Variants in CDH13 observed in about 807,000 individuals in gnomAD.
CDH13 encodes the protein cadherin-13.
Under a neutral mutation model 63.8 loss-of-function variants are expected in CDH13, and 24 were observed. That is an observed-to-expected ratio of 0.38 (90% CI 0.27 to 0.53). The LOEUF (loss-of-function observed/expected upper bound fraction) is 0.53. CDH13 is among the 20% of genes least tolerant of loss of function. The probability of loss-of-function intolerance (pLI) is 0.85; values close to 1 mark genes in which losing one functional copy is unlikely to be tolerated. For missense variants in CDH13, 1,049 were observed against 903.1 expected (o/e 1.16, Z -2.07); for synonymous variants, 503 against 355.3 (o/e 1.42, Z -4.67).
chr16:83,426,875 C>A (rs1473076254), intron 6 of CDH13, among the ~76,000 whole-genome samples: 1 of 142,628 alleles, frequency 7.0e-6, no homozygotes, highest in Non-Finnish European at 1.5e-5. Flanking sequence ...TGACTTTGTC[C>A]TAATTCTCAG....
At chr16:83,532,272 A>G (rs557164601) in intron 7 of CDH13, among the ~76,000 whole-genome samples, 11 of 152,296 alleles carry the variant, frequency 7.2e-5, no homozygotes, top group African/African-American at 2.4e-4. Flanking sequence ...ACAAGCTCAT[A>G]CAGTGTAGAA....
intron 7 of CDH13, among the ~76,000 whole-genome samples, chr16:83,532,619 C>A (rs940459462): frequency 1.3e-5 from 2 of 152,228 alleles, no homozygotes; most frequent in Admixed American, 1.3e-4. Context: ...CCTCAAGTAG[C>A]CTATCAGCTC....
At chr16:83,431,369 T>G (rs889262312) in intron 6 of CDH13, among the ~76,000 whole-genome samples, 1 of 151,848 alleles carries the variant, frequency 6.6e-6, no homozygotes, top group African/African-American at 2.4e-5. Context: ...TGGTCCTATC[T>G]CCTTATCATT....
chr16:82,865,821 A>G lies in CDH13; in HGVS notation c.157+7348A>G, dbSNP rs376926589. 7.9e-5 allele frequency among the ~76,000 whole-genome samples: 12 copies of G among 152,092 alleles called. No homozygotes were observed. In the East Asian group the frequency reaches 1.7e-3, roughly 22 times the overall value. On this transcript the variant is annotated intron_variant, in intron 2 of 13. Transcript: ENST00000567109. ...CCCAGAAAATGTTTTTTTCTTTTCT[A>G]TTTCATCTTCAGGCTGCAAATTTTC...
chr16:83,049,685 T>C (rs2030072007), intron 3 of CDH13, among the ~76,000 whole-genome samples: 1 of 152,178 alleles, frequency 6.6e-6, no homozygotes, highest in South Asian at 2.1e-4. Flanking sequence ...GTATCACTAC[T>C]TCATTCCTTT....
chr16:82,995,739 C>G (rs961583139), intron 2 of CDH13, among the ~76,000 whole-genome samples: 18 of 152,154 alleles, frequency 1.2e-4, no homozygotes, highest in Non-Finnish European at 1.0e-4. Context: ...AGCAGGAAGC[C>G]ACTGCATTCC....
chr16:83,676,561 A>G (rs1446212103), intron 9 of CDH13, among the ~76,000 whole-genome samples: 1 of 152,240 alleles, frequency 6.6e-6, no homozygotes, highest in Admixed American at 6.5e-5. Flanking sequence ...ATTAGGATCC[A>G]TAGAAAGAAG....
intron 10 of CDH13, among the ~76,000 whole-genome samples, chr16:83,698,309 C>T (rs1905693402): frequency 6.6e-6 from 1 of 152,298 alleles, no homozygotes; most frequent in East Asian, 1.9e-4. Flanking sequence ...TAAATATCTT[C>T]ACTTAATTAT....
At chr16:83,467,045 C>A (rs1466239682) in intron 6 of CDH13, among the ~76,000 whole-genome samples, 1 of 152,140 alleles carries the variant, frequency 6.6e-6, no homozygotes, top group African/African-American at 2.4e-5. Flanking sequence ...CAGCCACAAT[C>A]CAAGGGCCAG....
At chr16:82,752,888 C>G (rs190635619) in intron 1 of CDH13, among the ~76,000 whole-genome samples, 8 of 152,270 alleles carry the variant, frequency 5.3e-5, no homozygotes, top group Admixed American at 5.2e-4. Context: ...CATTATTGTA[C>G]CCCATTATGT....
chr16:83,214,703 T>A (rs1321205572), intron 4 of CDH13, among the ~76,000 whole-genome samples: 1 of 152,124 alleles, frequency 6.6e-6, no homozygotes, highest in African/African-American at 2.4e-5. Flanking sequence ...AATTATTAGC[T>A]TTGATTAACT....
intron 1 of CDH13, among the ~76,000 whole-genome samples, chr16:82,715,956 C>G (rs76717805): frequency 0.044 from 6,745 of 152,304 alleles, 230 homozygotes; most frequent in Non-Finnish European, 0.07. Flanking sequence ...TTGGTAGAAA[C>G]TAAGCCATGT....
intron 1 of CDH13, among the ~76,000 whole-genome samples, chr16:82,631,185 A>G (rs1907966414): frequency 1.3e-5 from 2 of 152,108 alleles, no homozygotes; most frequent in Non-Finnish European, 2.9e-5. Context: ...TTGACTCTGT[A>G]TCCCCTCTGA....
In CDH13 at chr16:83,529,902, A is replaced by G. The variant is rs144664842; in HGVS notation, c.960+43247A>G. Among the ~76,000 whole-genome samples the G allele has an allele frequency of 8.2e-3, 1,244 of 152,340 alleles. 13 individuals carry two copies. The highest frequency in any genetic ancestry group is 0.013 in the Non-Finnish European group (893 of 68,034). Reference sequence around the variant, plus strand: ...GTATTTGTAATAAAATAACGTTATTAAAATCACTTATAAAGGAAAATTAGA... The same window carrying G: ...GTATTTGTAATAAAATAACGTTATTGAAATCACTTATAAAGGAAAATTAGA... On this transcript the variant is annotated intron_variant, in intron 7 of 13. Coordinates refer to ENST00000567109, the MANE Select transcript of CDH13 (RefSeq NM_001257.5).
intron 11 of CDH13, among the ~76,000 whole-genome samples, chr16:83,778,839 G>C (rs771770954): frequency 1.9e-4 from 29 of 152,100 alleles, no homozygotes; most frequent in Admixed American, 6.6e-4. Flanking sequence ...AAAATGTCTT[G>C]GATTTAATCT....
At chr16:83,608,061 T>C (rs992914312) in intron 8 of CDH13, among the ~76,000 whole-genome samples, 34 of 152,226 alleles carry the variant, frequency 2.2e-4, no homozygotes, top group African/African-American at 8.2e-4. Flanking sequence ...CAAGTGATTA[T>C]AAAATTTAAA....
chr16:83,070,637 G>A (rs549809696), intron 3 of CDH13, among the ~76,000 whole-genome samples: 7 of 152,236 alleles, frequency 4.6e-5, no homozygotes, highest in South Asian at 4.1e-4. Flanking sequence ...GAAGGAAAGC[G>A]CTAGTGTGAC....
At chr16:82,834,263 T>G (rs759068374) in intron 1 of CDH13, among the ~76,000 whole-genome samples, 2 of 152,158 alleles carry the variant, frequency 1.3e-5, no homozygotes, top group Non-Finnish European at 2.9e-5. Context: ...GGGGCCTGCA[T>G]TAGATGGCTG....
At position 83,351,061 on chromosome 16, in the gene CDH13, C is replaced by T. The variant is rs11861609; in HGVS notation, c.781+6055C>T. 2.4e-4 allele frequency among the ~76,000 whole-genome samples: 37 copies of T among 152,090 alleles called. No homozygotes were observed. The East Asian group carries it at 7.0e-3, about 29-fold the overall frequency. ...TTGATAGTTGATATTTGACACCTAG[C>T]TCAGCCGATGGTGTTCAGGTTGTTG... On this transcript the variant is annotated intron_variant, in intron 6 of 13. Coordinates refer to ENST00000567109, the MANE Select transcript of CDH13 (RefSeq NM_001257.5).
Sources: gnomAD v4.1 joint callset for allele counts (sites outside exome capture counted in the v4.1 genomes callset) on GRCh38, gnomAD v4.1.1 for gene constraint, MANE v1.5 for transcripts, NCBI Gene and HGNC (gene_info 2026-07-23, HGNC 2026-07-21) for gene names.